PTCHD4: variants seen among roughly 807,000 people sequenced by gnomAD.
PTCHD4 encodes patched domain-containing protein 4.
In PTCHD4, 33 loss-of-function variants were observed where a neutral mutation model predicts 58.1. That is an observed-to-expected ratio of 0.57 (90% confidence interval 0.43 to 0.76). The LOEUF is 0.76. PTCHD4 is among the 30% of genes least tolerant of loss of function. The pLI is 0.00. For synonymous variants in PTCHD4, 478 were observed against 409.6 expected (o/e 1.17, Z -2.02); for missense variants, 1,058 against 1,027.1 (o/e 1.03, Z -0.41).
chr6:47,951,646 G>T (rs1766657468), intron 4 of PTCHD4, among the ~76,000 whole-genome samples: 1 of 151,940 alleles, frequency 6.6e-6, no homozygotes, highest in Admixed American at 6.6e-5. Context: ...TATTTGTTTT[G>T]GTTCCTAAAT....
chr6:48,093,383 T>G (rs1200232167), intron 1 of PTCHD4, among the ~76,000 whole-genome samples: 1 of 152,142 alleles, frequency 6.6e-6, no homozygotes, highest in Non-Finnish European at 1.5e-5. Context: ...TTTAAAGTAT[T>G]ATAGAAATTA....
At chr6:48,005,009 C>A (rs1762381582) in intron 4 of PTCHD4, among the ~76,000 whole-genome samples, 1 of 152,086 alleles carries the variant, frequency 6.6e-6, no homozygotes, top group African/African-American at 2.4e-5. Context: ...TTTTTCTAAA[C>A]CCCAATCTGA....
Position 47,865,425 on chromosome 6 carries a change from C to A in PTCHD4, c.*12878G>T, listed in dbSNP as rs1344198799. On this transcript the variant is annotated 3_prime_UTR_variant, in exon 5 of 5. Transcript: ENST00000339488. ...AATGTTATAAAAATGGGCCACGCTG[C>A]ATGTCAAAACCACAGGAATGTGAAG... Among the ~76,000 whole-genome samples the A allele has an allele frequency of 6.6e-6, 1 of 151,796 alleles. No homozygotes were observed. Among genetic ancestry groups the A allele is most frequent in the Non-Finnish European group, 1.5e-5 (1 of 67,876 alleles).
At chr6:48,095,722 CA>C (rs1765455633) in intron 1 of PTCHD4, among the ~76,000 whole-genome samples, 1 of 113,648 alleles carries the variant, frequency 8.8e-6, no homozygotes, top group Non-Finnish European at 1.8e-5. Context: ...AACAAACAAA[CA>C]AAAGGAACCA....
intron 4 of PTCHD4, among the ~76,000 whole-genome samples, chr6:47,898,031 G>T (rs1251742866): frequency 7.5e-6 from 1 of 133,484 alleles, no homozygotes; most frequent in Non-Finnish European, 1.5e-5. Context: ...TGCACCCTCT[G>T]CCTCTTGGGT....
intron 4 of PTCHD4, among the ~76,000 whole-genome samples, chr6:47,976,869 T>C (rs1229052403): frequency 6.6e-6 from 1 of 152,086 alleles, no homozygotes; most frequent in Non-Finnish European, 1.5e-5. Flanking sequence ...TGTTTCATGA[T>C]TTTCAAGTTA....
At chr6:47,911,994 A>G (rs1765085201) in intron 4 of PTCHD4, among the ~76,000 whole-genome samples, 1 of 152,118 alleles carries the variant, frequency 6.6e-6, no homozygotes, top group Non-Finnish European at 1.5e-5. Context: ...TAATTGGAAG[A>G]ATGTGGCAAC....
intron 4 of PTCHD4, among the ~76,000 whole-genome samples, chr6:47,888,154 G>A (rs1581830275): frequency 2.0e-5 from 3 of 152,122 alleles, no homozygotes; most frequent in South Asian, 2.1e-4. Context: ...TGAGGAGATC[G>A]AGACCATCCT....
At chr6:47,883,597 T>G (rs961731790) in intron 4 of PTCHD4, among the ~76,000 whole-genome samples, 9 of 152,184 alleles carry the variant, frequency 5.9e-5, no homozygotes, top group African/African-American at 2.2e-4. Context: ...GTGTATAGTA[T>G]CAATGGAATT....
At chr6:47,927,801 T>A (rs1403273770) in intron 4 of PTCHD4, among the ~76,000 whole-genome samples, 3 of 151,916 alleles carry the variant, frequency 2.0e-5, no homozygotes, top group South Asian at 2.1e-4. Context: ...ATTATTATTT[T>A]TTGTAGAGAC....
chr6:47,921,783 T>G (rs2113886809), intron 4 of PTCHD4, among the ~76,000 whole-genome samples: 1 of 152,060 alleles, frequency 6.6e-6, no homozygotes, highest in Non-Finnish European at 1.5e-5. Context: ...ATTCAAACTT[T>G]TACTTGAGAG....
chr6:47,998,666 A>T (rs1006950277), intron 4 of PTCHD4, among the ~76,000 whole-genome samples: 1 of 152,190 alleles, frequency 6.6e-6, no homozygotes, highest in East Asian at 1.9e-4. Context: ...TAAAAAGTAC[A>T]CACTAGTCAA....
chr6:47,930,568 A>G (rs1374631461), intron 4 of PTCHD4, among the ~76,000 whole-genome samples: 1 of 152,188 alleles, frequency 6.6e-6, no homozygotes, highest in Admixed American at 6.5e-5. Flanking sequence ...TACTTTCCAG[A>G]AAACCTAAAA....
At chr6:48,092,885 C>T (rs965047196) in intron 1 of PTCHD4, among the ~76,000 whole-genome samples, 1 of 152,206 alleles carries the variant, frequency 6.6e-6, no homozygotes, top group Non-Finnish European at 1.5e-5. Context: ...ATCAGTATAT[C>T]ATGTTATCAT....
chr6:47,950,319 G>A (rs554204575), intron 4 of PTCHD4, among the ~76,000 whole-genome samples: 2 of 152,154 alleles, frequency 1.3e-5, no homozygotes, highest in South Asian at 4.1e-4. Context: ...ATATAAGCTG[G>A]GTGGGAGCAA....
rs137928639 is a variant in PTCHD4, at chr6:47,897,607, G to T, written c.899-17671C>A. On this transcript the variant is annotated intron_variant, in intron 4 of 4. Transcript: ENST00000339488. ...GGTGAAGGAAGAAAATCTAGATTTT[G>T]GATTTGTTAGGTGGAGATTCCTACA... 2.7e-4 allele frequency among the ~76,000 whole-genome samples: 41 copies of T among 152,304 alleles called. No homozygotes were observed. In the East Asian group the frequency reaches 6.6e-3, roughly 24 times the overall value.
At chr6:47,944,122 T>C (rs2113930842) in intron 4 of PTCHD4, among the ~76,000 whole-genome samples, 1 of 152,188 alleles carries the variant, frequency 6.6e-6, no homozygotes, top group East Asian at 1.9e-4. Flanking sequence ...TATCTCACTG[T>C]TCTATGTTTC....
At chr6:48,035,039 GTATA>G (rs780862148) in intron 3 of PTCHD4, among the ~76,000 whole-genome samples, 1 of 151,998 alleles carries the variant, frequency 6.6e-6, no homozygotes, top group Non-Finnish European at 1.5e-5. Context: ...TATTATTCTT[GTATA>G]CCAAAATGTA....
intron 4 of PTCHD4, among the ~76,000 whole-genome samples, chr6:47,891,788 C>T (rs1178141831): frequency 6.6e-6 from 1 of 151,910 alleles, no homozygotes; most frequent in African/African-American, 2.4e-5. Context: ...AGTCAATAAA[C>T]CTAAATGTGT....
Sources: gnomAD v4.1 joint callset for allele counts (sites outside exome capture counted in the v4.1 genomes callset) on GRCh38, gnomAD v4.1.1 for gene constraint, MANE v1.5 for transcripts, NCBI Gene and HGNC (gene_info 2026-07-23, HGNC 2026-07-21) for gene names.